Variants in TMEM120B observed in about 807,000 individuals in gnomAD.
The protein encoded by TMEM120B is transmembrane protein 120B.
TMEM120B carries 31 observed loss-of-function variants against 55.5 expected under a neutral mutation model. The observed-to-expected ratio is 0.56, with a 90% CI of 0.42 to 0.75. The LOEUF (loss-of-function observed/expected upper bound fraction) is 0.75. TMEM120B is among the 30% of genes least tolerant of loss of function. The pLI is 0.00. For synonymous variants in TMEM120B, 203 were observed against 176.3 expected, an observed-to-expected ratio of 1.15 and a Z score of -1.20; for missense variants, 399 against 425.5, an observed-to-expected ratio of 0.94 and a Z score of 0.55.
chr12:121,761,186 C>T (rs1230226083), intron 5 of TMEM120B, among the ~76,000 whole-genome samples: 1 of 152,112 alleles, frequency 6.6e-6, no homozygotes, highest in African/African-American at 2.4e-5. Flanking sequence ...ACCATATTGG[C>T]CAAACTGGTC....
At chr12:121,764,330 G>C (rs967979759) in intron 6 of TMEM120B, among the ~76,000 whole-genome samples, 8 of 152,142 alleles carry the variant, frequency 5.3e-5, no homozygotes, top group Non-Finnish European at 7.3e-5. Context: ...AGACCAGCCT[G>C]ACCAACATGG....
At chr12:121,720,093 G>A (rs1894767713) in intron 1 of TMEM120B, among the ~76,000 whole-genome samples, 1 of 152,116 alleles carries the variant, frequency 6.6e-6, no homozygotes. Context: ...TGATGACACC[G>A]AGGCACAGAG....
intron 6 of TMEM120B, among the ~76,000 whole-genome samples, chr12:121,769,931 C>CAGTG (rs1490571903): frequency 2.6e-5 from 4 of 152,006 alleles, no homozygotes; most frequent in Non-Finnish European, 5.9e-5. Context: ...TGAAGTGGGG[C>CAGTG]AGTGTGATCC....
At chr12:121,716,412 T>TC (rs1481807970) in intron 1 of TMEM120B, among the ~76,000 whole-genome samples, 2 of 152,066 alleles carry the variant, frequency 1.3e-5, no homozygotes, top group East Asian at 3.9e-4. Context: ...GGATTTTTTT[T>TC]CTACTAGAAA....
chr12:121,770,735 C>T (rs1199953166), intron 6 of TMEM120B, among the ~76,000 whole-genome samples, 172 bp from the exon 7 acceptor site: 2 of 152,098 alleles, frequency 1.3e-5, no homozygotes, highest in Admixed American at 6.5e-5. Context: ...TGGGATGGTG[C>T]AGCCCTGTGG....
At position 121,775,587 on chromosome 12, in the gene TMEM120B, C is replaced by T. The variant is rs1185221479; in HGVS notation, c.907-22C>T. ...AGCAGGGCAGATGCCCCAGCCTCGC[C>T]CTCCTCTCTGGACTCCCCCAGGTGT... On this transcript the variant is annotated intron_variant, in intron 11 of 11. Coordinates refer to ENST00000449592, the MANE Select transcript of TMEM120B (RefSeq NM_001080825.2). This position sits in a 1 kb window ranked among gnomAD's most constrained non-coding sequence, Gnocchi z 4.3. The T allele has an allele frequency of 6.2e-7, 1 of 1,605,570 alleles. No homozygotes were observed. Among genetic ancestry groups the T allele is most frequent in the African/African-American group, 1.3e-5 (1 of 74,842 alleles).
At chr12:121,772,785 A>T (rs1206372669) in intron 8 of TMEM120B, among the ~76,000 whole-genome samples, 1 of 152,232 alleles carries the variant, frequency 6.6e-6, no homozygotes, top group African/African-American at 2.4e-5. Context: ...AAACAAATAC[A>T]AATGTATAAA....
rs766894254 is a variant in TMEM120B at position 121,780,801 on chromosome 12, A to C, written c.*5079A>C. ...CCCTGAAAGGCCACTAAGGCACCCCAGTTGCAGAGGCCAAAGGTCCGGGAG... is the reference window on the plus strand; with the variant it reads ...CCCTGAAAGGCCACTAAGGCACCCCCGTTGCAGAGGCCAAAGGTCCGGGAG... On this transcript the variant is annotated 3_prime_UTR_variant, in exon 12 of 12. Coordinates refer to ENST00000449592, the MANE Select transcript of TMEM120B (RefSeq NM_001080825.2). 1 of 1,524,458 alleles carries C rather than the reference A, an allele frequency of 6.6e-7. No individual in the cohort carries two copies. The highest frequency in any genetic ancestry group is 2.3e-5 in the East Asian group (1 of 44,168). 94.4% of individuals were successfully genotyped at this position (1,524,458 alleles called of 1,614,324 possible). A position where few individuals can be genotyped will look rare whatever the true frequency, so the allele number is the denominator to read the frequency against.
intron 1 of TMEM120B, among the ~76,000 whole-genome samples, chr12:121,730,432 G>GTCATCCTCGA (rs1457705511): frequency 6.7e-6 from 1 of 149,536 alleles, no homozygotes; most frequent in African/African-American, 2.5e-5. Flanking sequence ...AGATCATGAG[G>GTCATCCTCGA]TCAGGAGATC....
At chr12:121,750,962 C>A in intron 4 of TMEM120B, among the ~76,000 whole-genome samples, 1 of 85,612 alleles carries the variant, frequency 1.2e-5, no homozygotes. Context: ...CCCACACCCA[C>A]ACCACACACC....
intron 4 of TMEM120B, among the ~76,000 whole-genome samples, chr12:121,750,679 CCA>C (rs1873258818): frequency 7.0e-6 from 1 of 142,020 alleles, no homozygotes; most frequent in African/African-American, 2.6e-5. Context: ...ACACCCCACA[CCA>C]CACACTCAAA....
intron 8 of TMEM120B, 80 bp from the exon 9 acceptor site, chr12:121,773,341 C>T (rs1874122515): frequency 7.5e-7 from 1 of 1,335,448 alleles, no homozygotes; most frequent in Non-Finnish European, 1.0e-6. Context: ...ACCCATCAGC[C>T]TGTGCTTGGG....
intron 1 of TMEM120B, among the ~76,000 whole-genome samples, chr12:121,731,798 T>C (rs1178783990): frequency 1.3e-5 from 2 of 152,230 alleles, no homozygotes; most frequent in African/African-American, 4.8e-5. Context: ...GTGTATTTTA[T>C]CACAATTTAA....
chr12:121,765,713 G>C (rs1873825178), intron 6 of TMEM120B, among the ~76,000 whole-genome samples: 1 of 152,154 alleles, frequency 6.6e-6, no homozygotes, highest in Non-Finnish European at 1.5e-5. Context: ...AAGGCAGGTG[G>C]GCTAAATCCG....
chr12:121,724,901 C>T (rs146909515), intron 1 of TMEM120B, among the ~76,000 whole-genome samples: 5 of 152,206 alleles, frequency 3.3e-5, no homozygotes, highest in East Asian at 1.9e-4. Flanking sequence ...TGAGCCACCG[C>T]GCCTGGCCAA....
At chr12:121,769,064 T>G (rs1873938966) in intron 6 of TMEM120B, among the ~76,000 whole-genome samples, 1 of 149,754 alleles carries the variant, frequency 6.7e-6, no homozygotes, top group African/African-American at 2.5e-5. Context: ...GAGAATTGCC[T>G]GAACCCAGGA....
chr12:121,736,754 AG>A (rs1439164002), intron 1 of TMEM120B, among the ~76,000 whole-genome samples: 3 of 150,574 alleles, frequency 2.0e-5, no homozygotes, highest in Non-Finnish European at 3.0e-5. Flanking sequence ...CATGTTGGCA[AG>A]GCTGGTCTCA....
Position 121,779,184 on chromosome 12 carries a change from T to A in TMEM120B, c.*3462T>A, listed in dbSNP as rs948113154. The A allele has an allele frequency of 8.1e-6, 3 of 369,052 alleles. No individual in the cohort carries two copies. The highest frequency in any genetic ancestry group is 1.5e-5 in the Non-Finnish European group (3 of 196,306). The allele number at this position is 369,052 out of a possible 1,614,324, so 22.9% of individuals were successfully genotyped here. On this transcript the variant is annotated 3_prime_UTR_variant, in exon 12 of 12. Coordinates refer to ENST00000449592, the MANE Select transcript of TMEM120B (RefSeq NM_001080825.2). Reference sequence around the variant, plus strand: ...CCACTACCAGATAGACTTTTTCATTTCAAGCATAACTTGAGTCTGCACTGG... The same window carrying A: ...CCACTACCAGATAGACTTTTTCATTACAAGCATAACTTGAGTCTGCACTGG...
At chr12:121,727,725 T>G (rs1894922487) in intron 1 of TMEM120B, among the ~76,000 whole-genome samples, 1 of 150,514 alleles carries the variant, frequency 6.6e-6, no homozygotes, top group Non-Finnish European at 1.5e-5. Context: ...ATACAAAAAA[T>G]TAGACAGGCG....
Sources: allele counts gnomAD v4.1 joint callset (sites outside exome capture counted in the v4.1 genomes callset), GRCh38; gene constraint gnomAD v4.1.1; non-coding constraint Gnocchi (gnomAD v3.1); transcripts MANE v1.5; gene names NCBI Gene and HGNC (gene_info 2026-07-23, HGNC 2026-07-21).